The following RERE variants were observed in gnomAD, a reference collection of about 807,000 sequenced individuals.
RERE encodes the protein arginine-glutamic acid dipeptide repeats protein.
RERE carries 40 observed loss-of-function variants against 146.1 expected under a neutral mutation model. The observed-to-expected ratio is 0.27, with a 90% CI of 0.21 to 0.36. The LOEUF is 0.36. Ranked by LOEUF, RERE falls within the 10% of genes least tolerant of loss-of-function variation. The pLI, the probability that RERE is intolerant of heterozygous loss-of-function variation, is 1.00. For missense variants in RERE, 1,933 were observed against 2,138.7 expected (o/e 0.90, Z 1.90); for synonymous variants, 1,003 against 866.0 (o/e 1.16, Z -2.78).
At position 8,767,604 on chromosome 1, in the gene RERE, C is replaced by CAA. The variant is rs70985518; in HGVS notation, c.-145+49554_-145+49555dup. The stretch of plus-strand genomic sequence containing the variant: ...TGGGCTGCAGAGTGAGGCCTTGTCT[C>CAA]AAAAAAAAAAAAAGAGAAAGAAAAA... On this transcript the variant is annotated intron_variant, in intron 1 of 22. Transcript: ENST00000400908. Among the ~76,000 whole-genome samples, 897 of 117,944 alleles carry CAA rather than the reference C, an allele frequency of 7.6e-3. 7 individuals are homozygous for CAA. Among genetic ancestry groups the CAA allele is most frequent in the African/African-American group, 0.025 (792 of 31,918 alleles). 77.4% of individuals were successfully genotyped at this position (117,944 alleles called of 152,430 possible). A position where few individuals can be genotyped will look rare whatever the true frequency, so the allele number is the denominator to read the frequency against.
In RERE at chr1:8,353,636, C is replaced by T. The variant is rs1281677026; in HGVS notation, c.*1451G>A. ...GCTGCAGCCTGGAAACGAGGGCAGG[C>T]TCTCTCCAGGACGGTTCCGCTCAGA... On this transcript the variant is annotated 3_prime_UTR_variant, in exon 23 of 23. Coordinates refer to ENST00000400908, the MANE Select transcript of RERE (RefSeq NM_001042681.2). 3 of 152,292 alleles carry T rather than the reference C, an allele frequency of 2.0e-5. No homozygotes were observed. The highest frequency in any genetic ancestry group is 6.5e-5 in the Admixed American group (1 of 15,288). The allele number at this position is 152,292 out of a possible 1,614,324, so 9.4% of individuals were successfully genotyped here.
chr1:8,503,119 TAAATAAATAAAA>T (rs1379645899), intron 8 of RERE, among the ~76,000 whole-genome samples: 2 of 149,850 alleles, frequency 1.3e-5, no homozygotes, highest in African/African-American at 4.9e-5. Context: ...AATAAATAAA[TAAATAAATAAAA>T]AAGAATTGAT....
At chr1:8,593,449 G>A (rs974099837) in intron 4 of RERE, among the ~76,000 whole-genome samples, 5 of 152,184 alleles carry the variant, frequency 3.3e-5, no homozygotes, top group African/African-American at 9.7e-5. Flanking sequence ...GAGTTCCCCT[G>A]CACACGTTCT....
chr1:8,669,125 G>C (rs909204142), intron 1 of RERE, among the ~76,000 whole-genome samples: 1 of 149,480 alleles, frequency 6.7e-6, no homozygotes, highest in African/African-American at 2.5e-5. Context: ...CTGGAGTGCA[G>C]TGGCATGCGT....
intron 7 of RERE, among the ~76,000 whole-genome samples, chr1:8,540,717 T>C (rs1645790098): frequency 6.6e-6 from 1 of 152,212 alleles, no homozygotes; most frequent in Admixed American, 6.5e-5. Flanking sequence ...TTTTGAGAAC[T>C]TGATGTGTCT....
At chr1:8,469,320 T>C (rs901938898) in intron 10 of RERE, among the ~76,000 whole-genome samples, 4 of 152,062 alleles carry the variant, frequency 2.6e-5, no homozygotes, top group Admixed American at 6.6e-5. Context: ...AGGAAAAAAT[T>C]TGAATTTCAA....
At chr1:8,477,162 G>A (rs557282181) in intron 10 of RERE, among the ~76,000 whole-genome samples, 3 of 152,270 alleles carry the variant, frequency 2.0e-5, no homozygotes, top group African/African-American at 7.2e-5. Flanking sequence ...CATGTCTACA[G>A]CCTGACTTCT....
chr1:8,490,959 T>C (rs1276700219), intron 10 of RERE, among the ~76,000 whole-genome samples: 1 of 150,666 alleles, frequency 6.6e-6, no homozygotes, highest in East Asian at 1.9e-4. Flanking sequence ...CAGTTTATTA[T>C]ACATAAATCT....
chr1:8,656,959 A>G (rs963965762), intron 1 of RERE, among the ~76,000 whole-genome samples: 7 of 152,302 alleles, frequency 4.6e-5, no homozygotes, highest in Admixed American at 3.9e-4. Flanking sequence ...AACATAAAAT[A>G]AAATATTTCT....
chr1:8,745,175 C>A (rs866344664), intron 1 of RERE, among the ~76,000 whole-genome samples: 1 of 152,072 alleles, frequency 6.6e-6, no homozygotes, highest in Non-Finnish European at 1.5e-5. Flanking sequence ...CAGTTTCCCC[C>A]ATGATGTTCT....
At chr1:8,741,962 C>T (rs1427841517) in intron 1 of RERE, among the ~76,000 whole-genome samples, 1 of 151,980 alleles carries the variant, frequency 6.6e-6, no homozygotes, top group Non-Finnish European at 1.5e-5. Flanking sequence ...AAAGTCTATT[C>T]CTCAAAAGAA....
chr1:8,793,157 CA>C lies in RERE; in HGVS notation c.-145+24002del, dbSNP rs1015889392. ...GGGAGACAGAATGAGACTCCATCTC[CA>C]AAAAAAAAAAAAAAAAAAAGAAAGA... On this transcript the variant is annotated intron_variant, in intron 1 of 22. Coordinates refer to ENST00000400908, the MANE Select transcript of RERE (RefSeq NM_001042681.2). 7.5e-3 allele frequency among the ~76,000 whole-genome samples: 369 copies of C among 49,318 alleles called. 2 individuals carry two copies. The highest frequency in any genetic ancestry group is 0.021 in the African/African-American group (324 of 15,626). The allele number at this position is 49,318 out of a possible 152,430, so 32.4% of individuals were successfully genotyped here. A position where few individuals can be genotyped will look rare whatever the true frequency, so the allele number is the denominator to read the frequency against.
At chr1:8,545,730 C>A (rs1294499334) in intron 6 of RERE, among the ~76,000 whole-genome samples, 1 of 146,386 alleles carries the variant, frequency 6.8e-6, no homozygotes, top group Non-Finnish European at 1.5e-5. Context: ...GACACCCAGA[C>A]TGGAGTGCAA....
At chr1:8,434,587 C>T (rs1228884892) in intron 11 of RERE, 1 of 152,248 alleles carries the variant, frequency 6.6e-6, no homozygotes, top group Non-Finnish European at 1.5e-5. Flanking sequence ...TCTCTGTTCT[C>T]TCCTCCTGAG....
intron 1 of RERE, among the ~76,000 whole-genome samples, chr1:8,770,075 C>T (rs1220089903): frequency 6.6e-6 from 1 of 152,140 alleles, no homozygotes; most frequent in African/African-American, 2.4e-5. Context: ...CAGGCGTGAG[C>T]CACCGCGCCC....
At chr1:8,422,892 A>G (rs1643931348) in intron 11 of RERE, 85 bp from the exon 12 acceptor site, 4 of 998,876 alleles carry the variant, frequency 4.0e-6, no homozygotes, top group Non-Finnish European at 6.3e-6. Context: ...AATCAGCAGA[A>G]TAACAACCAC....
At chr1:8,492,896 C>A (rs1270886426) in intron 10 of RERE, among the ~76,000 whole-genome samples, 1 of 151,860 alleles carries the variant, frequency 6.6e-6, no homozygotes, top group Non-Finnish European at 1.5e-5. Context: ...GGCAACAGAG[C>A]AAGATGGTCT....
chr1:8,511,527 T>C (rs1645335066), intron 7 of RERE, among the ~76,000 whole-genome samples: 1 of 152,170 alleles, frequency 6.6e-6, no homozygotes, highest in South Asian at 2.1e-4. Context: ...GAATATAGAA[T>C]AAATGGCAAA....
chr1:8,727,745 G>C (rs1569647045), intron 1 of RERE, among the ~76,000 whole-genome samples: 1 of 152,096 alleles, frequency 6.6e-6, no homozygotes, highest in Admixed American at 6.6e-5. Flanking sequence ...GCCAGCCTCG[G>C]CCTCTCAAAG....
Sources: allele counts gnomAD v4.1 joint callset (sites outside exome capture counted in the v4.1 genomes callset), GRCh38; gene constraint gnomAD v4.1.1; transcripts MANE v1.5; gene names NCBI Gene and HGNC (gene_info 2026-07-23, HGNC 2026-07-21).